CR1L: variants seen among roughly 807,000 people sequenced by gnomAD.
The protein encoded by CR1L is complement component receptor 1-like protein.
Under a neutral mutation model 62.3 loss-of-function variants are expected in CR1L, and 59 were observed. The ratio of observed to expected loss-of-function variants is 0.95; its 90% confidence interval spans 0.77 to 1.18. The LOEUF is 1.18. Among genes scored for constraint, CR1L ranks in the 50% most tolerant of loss-of-function variants. The pLI, the probability that CR1L is intolerant of heterozygous loss-of-function variation, is 0.00. For synonymous variants in CR1L, 279 were observed against 248.7 expected (o/e 1.12, Z -1.15); for missense variants, 700 against 702.8 (o/e 1.00, Z 0.04).
intron 1 of CR1L, chr1:207,653,020 C>G (rs1364674227): frequency 2.2e-5 from 5 of 227,686 alleles, no homozygotes; most frequent in Non-Finnish European, 4.3e-5. Context: ...GAATTTTGAC[C>G]TTGATTCCAA....
intron 10 of CR1L, among the ~76,000 whole-genome samples, chr1:207,715,727 G>C (rs1160087146): frequency 1.3e-5 from 2 of 149,714 alleles, no homozygotes; most frequent in Non-Finnish European, 3.0e-5. Context: ...TTTCTTTTTT[G>C]AGACAGTTAC....
rs114301802 is a variant in CR1L, at chr1:207,665,923, T to C, written c.98-11466T>C. ...GGAATGTTTGTGTGAGCTAAGACTA[T>C]ACATCCTGAGTGATACACGTGTGTT... On this transcript the variant is annotated intron_variant, in intron 1 of 11. Transcript: ENST00000508064. Among the ~76,000 whole-genome samples, 1,020 of 152,282 alleles carry C rather than the reference T, an allele frequency of 6.7e-3. 8 individuals carry two copies. The highest frequency in any genetic ancestry group is 0.023 in the African/African-American group (960 of 41,552).
chr1:207,684,135 C>G, intron 4 of CR1L, 178 bp downstream of exon 4: 1 of 490,748 alleles, frequency 2.0e-6, no homozygotes, highest in East Asian at 3.5e-5. Flanking sequence ...TAAGTTCTTT[C>G]TTATCCTGGG....
chr1:207,676,249 AT>A (rs371067231), intron 1 of CR1L, among the ~76,000 whole-genome samples: 6 of 150,692 alleles, frequency 4.0e-5, no homozygotes, highest in Admixed American at 1.3e-4. Context: ...ATGGATGCTG[AT>A]TTTTTTTTTA....
intron 8 of CR1L, among the ~76,000 whole-genome samples, chr1:207,701,294 C>G (rs905777425): frequency 1.3e-5 from 2 of 152,110 alleles, no homozygotes; most frequent in African/African-American, 4.8e-5. Context: ...CTACACAGAT[C>G]TAAATCTAGA....
At chr1:207,670,545 T>C (rs1663593724) in intron 1 of CR1L, among the ~76,000 whole-genome samples, 1 of 151,012 alleles carries the variant, frequency 6.6e-6, no homozygotes, top group African/African-American at 2.5e-5. Flanking sequence ...AACATCTCAC[T>C]TGAAGTGACA....
At chr1:207,715,477 C>G (rs1014912253) in intron 10 of CR1L, 8 of 866,830 alleles carry the variant, frequency 9.2e-6, no homozygotes, top group South Asian at 1.4e-5. Context: ...AATCACTTGT[C>G]TGGATCTTTA....
intron 4 of CR1L, among the ~76,000 whole-genome samples, chr1:207,685,133 A>C (rs1436186477): frequency 6.6e-6 from 1 of 152,226 alleles, no homozygotes; most frequent in African/African-American, 2.4e-5. Flanking sequence ...AAAACAAACA[A>C]TATAATAATA....
intron 1 of CR1L, among the ~76,000 whole-genome samples, chr1:207,667,720 A>ATAAAG: frequency 6.6e-6 from 1 of 151,342 alleles, no homozygotes; most frequent in African/African-American, 2.5e-5. Context: ...GAAACAACAG[A>ATAAAG]GTGAAGAAAA....
At chr1:207,692,011 GC>G (rs1299106289) in intron 4 of CR1L, among the ~76,000 whole-genome samples, 3 of 152,198 alleles carry the variant, frequency 2.0e-5, no homozygotes, top group Middle Eastern at 6.3e-3. Context: ...TACAGAAACA[GC>G]CCGATTGGTT....
chr1:207,691,987 A>C (rs937868897), intron 4 of CR1L, among the ~76,000 whole-genome samples: 5 of 152,362 alleles, frequency 3.3e-5, no homozygotes, highest in Admixed American at 3.3e-4. Context: ...GACGTACAGA[A>C]AACAGAAGTG....
At chr1:207,658,857 C>G (rs1474340082) in intron 1 of CR1L, 3 of 152,390 alleles carry the variant, frequency 2.0e-5, no homozygotes. Flanking sequence ...AGATGGACAG[C>G]CAGGGGGAAA....
chr1:207,684,101 TG>T (rs1663851553), intron 4 of CR1L, 144 bp downstream of exon 4: 4 of 637,330 alleles, frequency 6.3e-6, no homozygotes, highest in African/African-American at 5.5e-5. Flanking sequence ...GATATTCCTA[TG>T]GGGTTCCTGG....
At chr1:207,709,691 G>GC (rs1322399483) in intron 10 of CR1L, among the ~76,000 whole-genome samples, 1 of 151,714 alleles carries the variant, frequency 6.6e-6, no homozygotes, top group Non-Finnish European at 1.5e-5. Flanking sequence ...ACAGAAGTTA[G>GC]CTGAGCATGG....
intron 4 of CR1L, among the ~76,000 whole-genome samples, chr1:207,687,481 AG>A (rs1427473276): frequency 6.6e-6 from 1 of 152,218 alleles, no homozygotes; most frequent in Non-Finnish European, 1.5e-5. Context: ...GAACATTATC[AG>A]CACCCCAGAA....
intron 1 of CR1L, among the ~76,000 whole-genome samples, chr1:207,647,714 T>G (rs550220572): frequency 6.6e-6 from 1 of 152,268 alleles, no homozygotes; most frequent in Non-Finnish European, 1.5e-5. Flanking sequence ...CTCAGGATGG[T>G]CTTTCTGTTG....
chr1:207,695,428 C>A (rs957330007), intron 5 of CR1L, among the ~76,000 whole-genome samples: 1 of 152,174 alleles, frequency 6.6e-6, no homozygotes, highest in Non-Finnish European at 1.5e-5. Flanking sequence ...CTGTGCCTGG[C>A]CTCTATGTTT....
intron 3 of CR1L, among the ~76,000 whole-genome samples, chr1:207,680,933 T>C (rs1332204885): frequency 1.3e-5 from 2 of 152,226 alleles, no homozygotes; most frequent in Non-Finnish European, 2.9e-5. Context: ...ATGTAAGTGA[T>C]ACCTTACGTC....
At chr1:207,680,634 A>C (rs974235680) in intron 3 of CR1L, among the ~76,000 whole-genome samples, 2 of 152,242 alleles carry the variant, frequency 1.3e-5, no homozygotes, top group African/African-American at 4.8e-5. Flanking sequence ...TCGAACTTAA[A>C]ACAATTCAAA....
Sources: allele counts gnomAD v4.1 joint callset (sites outside exome capture counted in the v4.1 genomes callset), GRCh38; gene constraint gnomAD v4.1.1; transcripts MANE v1.5; gene names NCBI Gene and HGNC (gene_info 2026-07-23, HGNC 2026-07-21).